Variants in MARK4 observed in about 807,000 individuals in gnomAD.
MARK4 encodes the protein microtubule affinity regulating kinase 4.
A neutral mutation model predicts 81.5 loss-of-function variants in MARK4; 19 were observed. The observed-to-expected ratio is 0.23, with a 90% CI of 0.16 to 0.34. MARK4 has a LOEUF of 0.34. MARK4 is among the 10% of genes least tolerant of loss of function. The pLI, the probability that MARK4 is intolerant of heterozygous loss-of-function variation, is 1.00. For missense variants in MARK4, 772 were observed against 1,058.8 expected, an observed-to-expected ratio of 0.73 and a Z score of 3.76; for synonymous variants, 436 against 439.0, an observed-to-expected ratio of 0.99 and a Z score of 0.08.
At chr19:45,260,576 A>G (rs1267206787) in intron 2 of MARK4, among the ~76,000 whole-genome samples, 2 of 152,014 alleles carry the variant, frequency 1.3e-5, no homozygotes, top group Non-Finnish European at 2.9e-5. Flanking sequence ...GCGTGCCTGT[A>G]AGCCCAGCTA....
In MARK4 at chr19:45,280,438, C is replaced by T; in HGVS notation, c.1071C>T (p.Tyr357=). ...EIKESLTSQK[Y]NEVTATYLLL... is the part of the protein sequence containing the mutation. ...AAGAGTCCTTGACCAGCCAGAAGTA[C>T]AACGAAGTGACCGCCACCTACCTCC... Residue 357 remains tyrosine (Y), a synonymous_variant, in exon 11 of 17, where the codon TAC becomes TAT. Transcript: ENST00000262891. The T allele has an allele frequency of 6.2e-7, 1 of 1,614,160 alleles. No homozygotes were observed.
At chr19:45,260,674 G>A (rs1402423468) in intron 2 of MARK4, among the ~76,000 whole-genome samples, 1 of 151,982 alleles carries the variant, frequency 6.6e-6, no homozygotes, top group African/African-American at 2.4e-5. Context: ...TCCAGCCTGG[G>A]TGACAGAGCA....
At position 45,277,902 on chromosome 19, in the gene MARK4, C is replaced by T. The variant is rs757392425; in HGVS notation, c.787-21C>T. ...TGGGGGGCGGGGCAGACCCCCTCCT[C>T]CAGTAACCCCATCCCTGCAGGAGCT... On this transcript the variant is annotated intron_variant, in intron 8 of 16. Coordinates refer to ENST00000262891, the MANE Select transcript of MARK4 (RefSeq NM_001199867.2). 1.7e-5 allele frequency: 27 copies of T among 1,605,412 alleles called. No homozygotes were observed. The Admixed American group carries it at 4.1e-4, about 24-fold the overall frequency.
intron 8 of MARK4, among the ~76,000 whole-genome samples, chr19:45,273,410 C>T (rs564328685): frequency 5.9e-5 from 9 of 152,302 alleles, no homozygotes; most frequent in South Asian, 2.1e-4. Flanking sequence ...TTCCTGTTGA[C>T]GGTGACATAC....
At position 45,278,009 on chromosome 19, in the gene MARK4, G is replaced by A. The variant is rs1394404677; in HGVS notation, c.873G>A (p.Leu291=). The change falls in exon 9 of 17, where the codon TTG becomes TTA. Residue 291 remains leucine (L), a synonymous_variant. Coordinates refer to ENST00000262891, the MANE Select transcript of MARK4 (RefSeq NM_001199867.2). ...TDCESILRRF[L]VLNPAKRCTL... is the part of the protein sequence containing the mutation. ...GTGAGAGCATCCTGCGGAGATTTTT[G>A]GTGCTGAACCCAGCTAAACGCTGTA... 6.2e-7 allele frequency: 1 copy of A among 1,613,802 alleles called. No individual in the cohort carries two copies. The highest frequency in any genetic ancestry group is 1.7e-5 in the Admixed American group (1 of 59,962).
At chr19:45,299,719 C>G (rs1413652264) in intron 15 of MARK4, 92 bp from the exon 16 acceptor site, 1 of 1,186,774 alleles carries the variant, frequency 8.4e-7, no homozygotes, top group East Asian at 2.7e-5. Context: ...GGGGTTGAGG[C>G]AGGGGCTGCT....
Position 45,302,660 on chromosome 19 carries a change from C to T in MARK4, c.2209C>T (p.Leu737=). Residue 737 remains leucine (L), a synonymous_variant, in exon 17 of 17, where the codon CTG becomes TTG. Coordinates refer to ENST00000262891, the MANE Select transcript of MARK4 (RefSeq NM_001199867.2). This position sits in a 1 kb window ranked among gnomAD's most constrained non-coding sequence, Gnocchi z 4.9. The part of the protein sequence containing the change: ...VLFRRVAGTA[L]AFRTLVTRIS... Reference sequence around the variant, plus strand: ...CTTCCGCCGTGTGGCGGGCACCGCCCTGGCCTTCCGCACCCTCGTCACCCG... The same window carrying T: ...CTTCCGCCGTGTGGCGGGCACCGCCTTGGCCTTCCGCACCCTCGTCACCCG... 2 of 1,538,224 alleles carry T rather than the reference C, an allele frequency of 1.3e-6. No individual in the cohort carries two copies. The highest frequency in any genetic ancestry group is 1.7e-6 in the Non-Finnish European group (2 of 1,147,830).
Position 45,278,635 on chromosome 19 carries a change from A to G in MARK4, c.1006+20A>G, listed in dbSNP as rs777646311. ...GAATTGGTGAGGGTCAGGGAGAGCC[A>G]TCCTGTCACCCAGGATGGAGTGCAG... On this transcript the variant is annotated intron_variant, in intron 10 of 16. Coordinates refer to ENST00000262891, the MANE Select transcript of MARK4 (RefSeq NM_001199867.2). The G allele has an allele frequency of 1.9e-6, 3 of 1,583,026 alleles. No individual in the cohort carries two copies. The highest frequency in any genetic ancestry group is 2.6e-6 in the Non-Finnish European group (3 of 1,152,892).
chr19:45,281,990 G>A (rs549824279), intron 12 of MARK4, among the ~76,000 whole-genome samples: 1 of 152,172 alleles, frequency 6.6e-6, no homozygotes, highest in Admixed American at 6.6e-5. Context: ...TTGGGAGGCC[G>A]AGGTGAGTGG....
chr19:45,299,190 C>G (rs1488597021), intron 15 of MARK4, among the ~76,000 whole-genome samples: 1 of 151,700 alleles, frequency 6.6e-6, no homozygotes, highest in Admixed American at 6.6e-5. Flanking sequence ...AATCCCAGCA[C>G]TTTGGACAGA....
chr19:45,263,173 C>G lies in MARK4; in HGVS notation c.306+7C>G. The G allele has an allele frequency of 6.2e-7, 1 of 1,610,128 alleles. No homozygotes were observed. Reference sequence around the variant, plus strand: ...TCCCAGCAGCCTGCAGAAGGTGAGGCTGGGGAGACGGGGGAGAGCAGGAGC... The same window carrying G: ...TCCCAGCAGCCTGCAGAAGGTGAGGGTGGGGAGACGGGGGAGAGCAGGAGC... On this transcript the variant is annotated splice_region_variant and intron_variant, in intron 3 of 16. Coordinates refer to ENST00000262891, the MANE Select transcript of MARK4 (RefSeq NM_001199867.2).
chr19:45,260,332 A>G (rs1388744440), intron 2 of MARK4, among the ~76,000 whole-genome samples: 10 of 145,460 alleles, frequency 6.9e-5, no homozygotes, highest in East Asian at 6.2e-4. Context: ...AGAGGTTGCA[A>G]TGAGCCAAGA....
At chr19:45,259,914 C>T (rs913245530) in intron 2 of MARK4, among the ~76,000 whole-genome samples, 3 of 151,996 alleles carry the variant, frequency 2.0e-5, no homozygotes, top group African/African-American at 7.2e-5. Flanking sequence ...TGATGAAACC[C>T]TGTCTCTATT....
rs1166082588 is a variant in MARK4 at position 45,251,347 on chromosome 19, C to CGCCCGCCT, written c.-234_-227dup. 9 of 152,260 alleles carry CGCCCGCCT rather than the reference C, an allele frequency of 5.9e-5. 1 individual carries two copies. The highest frequency in any genetic ancestry group is 2.0e-4 in the African/African-American group (8 of 40,850). The allele number at this position is 152,260 out of a possible 1,614,324, so 9.4% of individuals were successfully genotyped here. ...CCGCGCCCCCTCCGCGGCCCCCGCC[C>CGCCCGCCT]GCCCGCCTGCCCGCCGCCCCCATGG... On this transcript the variant is annotated 5_prime_UTR_variant, in exon 1 of 17. Transcript: ENST00000262891.
At chr19:45,259,813 A>G (rs965961863) in intron 2 of MARK4, among the ~76,000 whole-genome samples, 3 of 151,474 alleles carry the variant, frequency 2.0e-5, no homozygotes, top group Admixed American at 1.3e-4. Flanking sequence ...AGGGCTGGGC[A>G]TGGTGGCTTA....
At chr19:45,261,396 C>T (rs543771403) in intron 2 of MARK4, among the ~76,000 whole-genome samples, 114 of 152,272 alleles carry the variant, frequency 7.5e-4, no homozygotes, top group African/African-American at 2.7e-3. Context: ...AAGTTCTTTT[C>T]CCTTTGACAA....
chr19:45,252,598 C>T (rs1329027517), intron 1 of MARK4, among the ~76,000 whole-genome samples: 1 of 151,972 alleles, frequency 6.6e-6, no homozygotes, highest in African/African-American at 2.4e-5. Flanking sequence ...GGAGTCTGGC[C>T]TTCCAAGGAA....
intron 10 of MARK4, among the ~76,000 whole-genome samples, chr19:45,279,053 TA>T: frequency 6.6e-6 from 1 of 151,652 alleles, no homozygotes; most frequent in Non-Finnish European, 1.5e-5. Context: ...ACCCTGTCTG[TA>T]CAAAAAAATA....
Position 45,278,182 on chromosome 19 carries a change from G to A in MARK4, c.906+140G>A, listed in dbSNP as rs903389389. 9 of 1,277,560 alleles carry A rather than the reference G, an allele frequency of 7.0e-6. No individual in the cohort carries two copies. In the South Asian group the frequency reaches 9.7e-5, roughly 14 times the overall value. The allele number at this position is 1,277,560 out of a possible 1,614,324, so 79.1% of individuals were successfully genotyped here. A position where few individuals can be genotyped will look rare whatever the true frequency, so the allele number is the denominator to read the frequency against. On this transcript the variant is annotated intron_variant, in intron 9 of 16. Transcript: ENST00000262891. Reference sequence around the variant, plus strand: ...CGAAGATCTGCTGCTGGTGAGTGGGGGTAGACAGGCCGTCCAGGGAAAAGC... The same window carrying A: ...CGAAGATCTGCTGCTGGTGAGTGGGAGTAGACAGGCCGTCCAGGGAAAAGC...
Sources: gnomAD v4.1 joint callset for allele counts (sites outside exome capture counted in the v4.1 genomes callset) on GRCh38, gnomAD v4.1.1 for gene constraint, Gnocchi (gnomAD v3.1) non-coding constraint, MANE v1.5 for transcripts, NCBI Gene and HGNC (gene_info 2026-07-23, HGNC 2026-07-21) for gene names.